Variants in AGO3 observed in about 807,000 individuals in gnomAD.
The protein encoded by AGO3 is argonaute RISC catalytic component 3.
A neutral mutation model predicts 105.5 loss-of-function variants in AGO3; 16 were observed. That is an observed-to-expected ratio of 0.15 (90% CI 0.10 to 0.23). The LOEUF (loss-of-function observed/expected upper bound fraction) is 0.23, where lower values mean the gene tolerates loss of function less well. Ranked by LOEUF, AGO3 falls within the 10% of genes least tolerant of loss-of-function variation. The probability of loss-of-function intolerance (pLI) is 1.00; values close to 1 mark genes in which losing one functional copy is unlikely to be tolerated. For missense variants in AGO3, 534 were observed against 1,088.0 expected (o/e 0.49, Z 7.16); for synonymous variants, 340 against 367.3 (o/e 0.93, Z 0.85).
Position 36,056,055 on chromosome 1 carries a change from C to T in AGO3, c.*310C>T, listed in dbSNP as rs1453904808. 13 of 205,606 alleles carry T rather than the reference C, an allele frequency of 6.3e-5. No homozygotes were observed. The highest frequency in any genetic ancestry group is 1.1e-4 in the Non-Finnish European group (11 of 103,272). The allele number at this position is 205,606 out of a possible 1,614,324, so 12.7% of individuals were successfully genotyped here. On this transcript the variant is annotated 3_prime_UTR_variant, in exon 19 of 19. Transcript: ENST00000373191. ...AATGCCTTTACCTCAAGTTGCTTGG[C>T]AGCACAACTATCTTTGCAAAAAAAA...
chr1:35,939,009 G>A (rs1383692782), intron 1 of AGO3, among the ~76,000 whole-genome samples: 1 of 152,120 alleles, frequency 6.6e-6, no homozygotes, highest in Non-Finnish European at 1.5e-5. Flanking sequence ...TTATTATCCA[G>A]TACATACAAT....
chr1:36,029,159 C>T (rs182662368), intron 12 of AGO3, among the ~76,000 whole-genome samples: 18 of 152,078 alleles, frequency 1.2e-4, no homozygotes, highest in Middle Eastern at 3.4e-3. Context: ...TAGAATAGCA[C>T]CTGTCATATA....
intron 2 of AGO3, among the ~76,000 whole-genome samples, chr1:35,948,343 G>C (rs181495392): frequency 6.6e-6 from 1 of 150,926 alleles, no homozygotes; most frequent in East Asian, 2.0e-4. Context: ...TCAGCCTCCC[G>C]AGTAGTTGGG....
chr1:36,048,265 C>A (rs534592092), intron 17 of AGO3, among the ~76,000 whole-genome samples: 6 of 151,960 alleles, frequency 3.9e-5, no homozygotes, highest in African/African-American at 1.5e-4. Flanking sequence ...GCCTGGGCAA[C>A]GGAGTGAGAC....
rs1193941282 is a variant in AGO3, at chr1:36,063,791, ATTTGT to A, written c.*8057_*8061del. On this transcript the variant is annotated 3_prime_UTR_variant, in exon 19 of 19. Transcript: ENST00000373191. ...GTTTCCTAGTGAATAGGTCAAGATTATTTGTTTTGTTTTGTGGCACTATCATAGTT... is the reference window on the plus strand; with the variant it reads ...GTTTCCTAGTGAATAGGTCAAGATTATTTGTTTTGTGGCACTATCATAGTT... 6.6e-6 allele frequency: 1 copy of A among 152,178 alleles called. No homozygotes were observed. The highest frequency in any genetic ancestry group is 2.4e-5 in the African/African-American group (1 of 41,452). The allele number at this position is 152,178 out of a possible 1,614,324, so 9.4% of individuals were successfully genotyped here. A position where few individuals can be genotyped will look rare whatever the true frequency, so the allele number is the denominator to read the frequency against.
At chr1:35,975,238 A>G (rs917625461) in intron 5 of AGO3, among the ~76,000 whole-genome samples, 1 of 152,158 alleles carries the variant, frequency 6.6e-6, no homozygotes, top group South Asian at 2.1e-4. Context: ...GTTTCCTTAT[A>G]TCTTTGCCAC....
rs550536695 is a variant in AGO3, at chr1:35,993,675, A to G, written c.659-10666A>G. ...TTTTTTCTATAATGTAAGGAAAAAT[A>G]ACATCAATCTTTCACAAATTCTTTC... On this transcript the variant is annotated intron_variant, in intron 5 of 18. Transcript: ENST00000373191. 8.2e-4 allele frequency among the ~76,000 whole-genome samples: 125 copies of G among 152,006 alleles called. 1 individual carries two copies. Among genetic ancestry groups the G allele is most frequent in the African/African-American group, 2.9e-3 (121 of 41,446 alleles).
rs1441892558 is a variant in AGO3, at chr1:36,013,619, T to G, written c.1150-11T>G. 1 of 1,612,580 alleles carries G rather than the reference T, an allele frequency of 6.2e-7. No homozygotes were observed. The highest frequency in any genetic ancestry group is 2.2e-5 in the East Asian group (1 of 44,834). ...ATTTTGAGAGTAACTACAAACTTTT[T>G]CTATTTTTAGGTAAGAAGTGCAAAT... On this transcript the variant is annotated splice_polypyrimidine_tract_variant and intron_variant, in intron 9 of 18. Transcript: ENST00000373191.
intron 11 of AGO3, among the ~76,000 whole-genome samples, chr1:36,014,869 A>G (rs1248810776): frequency 6.6e-6 from 1 of 152,002 alleles, no homozygotes; most frequent in African/African-American, 2.4e-5. Context: ...CTTATAGACT[A>G]CTGTGAATGG....
chr1:35,949,596 A>G (rs914097844), intron 2 of AGO3, among the ~76,000 whole-genome samples: 7 of 152,306 alleles, frequency 4.6e-5, no homozygotes, highest in African/African-American at 1.4e-4. Context: ...TAACTTATTC[A>G]AAATATTAAA....
chr1:35,993,197 G>C (rs1647849205), intron 5 of AGO3, among the ~76,000 whole-genome samples: 1 of 152,088 alleles, frequency 6.6e-6, no homozygotes, highest in African/African-American at 2.4e-5. Context: ...CCATCTCAAA[G>C]GCTGGCTACC....
In AGO3 at chr1:35,972,142, C is replaced by A. The variant is rs1327980848; in HGVS notation, c.431C>A (p.Thr144Asn). ...CTGCATGAAGTACTGACAGGACGGACCTTGCCTGAGCCACTGGAATTAGAC... is the reference window on the plus strand; with the variant it reads ...CTGCATGAAGTACTGACAGGACGGAACTTGCCTGAGCCACTGGAATTAGAC... ...HLLHEVLTGR[T>N]LPEPLELDKP... The change falls in exon 4 of 19, where the codon ACC becomes AAC. Residue 144 changes from threonine (T) to asparagine (N), a missense_variant. This residue lies in a region of AGO3 where 161 missense variants were observed against 234.0 expected (regional missense o/e 0.69). Coordinates refer to ENST00000373191, the MANE Select transcript of AGO3 (RefSeq NM_024852.4). 8.1e-6 allele frequency: 13 copies of A among 1,613,936 alleles called. No individual in the cohort carries two copies. Among genetic ancestry groups the A allele is most frequent in the Non-Finnish European group, 8.5e-6 (10 of 1,180,018 alleles).
intron 2 of AGO3, among the ~76,000 whole-genome samples, chr1:35,962,227 C>G (rs969756875): frequency 6.6e-6 from 1 of 152,046 alleles, no homozygotes; most frequent in Non-Finnish European, 1.5e-5. Context: ...TTACCCTGCC[C>G]CATAATAAAC....
intron 5 of AGO3, among the ~76,000 whole-genome samples, chr1:35,992,522 T>A (rs1157597048): frequency 2.0e-5 from 3 of 152,304 alleles, no homozygotes; most frequent in South Asian, 2.1e-4. Flanking sequence ...AATTTTTTTT[T>A]AAATTCATAG....
At chr1:36,024,210 C>G (rs1290143294) in intron 11 of AGO3, among the ~76,000 whole-genome samples, 1 of 146,066 alleles carries the variant, frequency 6.8e-6, no homozygotes, top group Non-Finnish European at 1.5e-5. Flanking sequence ...ACAATCACAA[C>G]TCACCGCAGC....
intron 14 of AGO3, among the ~76,000 whole-genome samples, chr1:36,036,914 T>G (rs2148846105): frequency 6.6e-6 from 1 of 152,216 alleles, no homozygotes; most frequent in South Asian, 2.1e-4. Flanking sequence ...CAGGCTGGTC[T>G]TGAACTCCTG....
intron 12 of AGO3, among the ~76,000 whole-genome samples, chr1:36,031,009 T>C (rs915114001): frequency 2.0e-5 from 3 of 152,182 alleles, no homozygotes; most frequent in Admixed American, 2.0e-4. Flanking sequence ...TATATTTCTG[T>C]CATTTATTTC....
intron 17 of AGO3, among the ~76,000 whole-genome samples, chr1:36,047,809 G>A (rs549440731): frequency 6.6e-6 from 1 of 152,086 alleles, no homozygotes; most frequent in Admixed American, 6.6e-5. Context: ...AGCCGGGGAG[G>A]TTGAGGCTGC....
In AGO3 at chr1:36,069,902, C is replaced by G. The variant is rs961124784; in HGVS notation, c.*14157C>G. ...CAAAACCCCGTCTCTACTAAAGATACAAAAATTAGCTGGGCACGATGGAGG... is the reference window on the plus strand; with the variant it reads ...CAAAACCCCGTCTCTACTAAAGATAGAAAAATTAGCTGGGCACGATGGAGG... On this transcript the variant is annotated 3_prime_UTR_variant, in exon 19 of 19. Coordinates refer to ENST00000373191, the MANE Select transcript of AGO3 (RefSeq NM_024852.4). 3 of 151,990 alleles carry G rather than the reference C, an allele frequency of 2.0e-5. No individual in the cohort carries two copies. Among genetic ancestry groups the G allele is most frequent in the Non-Finnish European group, 4.4e-5 (3 of 68,008 alleles). The allele number at this position is 151,990 out of a possible 1,614,324, so 9.4% of individuals were successfully genotyped here.
Sources: gnomAD v4.1 joint callset for allele counts (sites outside exome capture counted in the v4.1 genomes callset) on GRCh38, gnomAD v4.1.1 for gene constraint, gnomAD v4.1.1 regional missense constraint, MANE v1.5 for transcripts, NCBI Gene and HGNC (gene_info 2026-07-23, HGNC 2026-07-21) for gene names.